The following OR6B3 variants were observed in gnomAD, a reference collection of about 807,000 sequenced individuals.
The protein encoded by OR6B3 is olfactory receptor 6B3.
For missense variants in OR6B3, 315 were observed against 427.4 expected, an observed-to-expected ratio of 0.74 and a Z score of 2.32; for synonymous variants, 148 against 187.8, an observed-to-expected ratio of 0.79 and a Z score of 1.73.
chr2:240,047,561 G>C (rs1698209926), upstream of OR6B3, among the ~76,000 whole-genome samples: 2 of 152,192 alleles, frequency 1.3e-5, no homozygotes, highest in African/African-American at 4.8e-5. Context: ...GAACACAGAT[G>C]GCAGGGAAAT....
At chr2:240,053,081 G>A in the OR6B3 span, among the ~76,000 whole-genome samples, 3 of 152,158 alleles carry the variant, frequency 2.0e-5, no homozygotes, top group Admixed American at 2.0e-4. The surrounding 1 kb of genome is among the most constrained non-coding windows in gnomAD (Gnocchi z 4.1). Flanking sequence ...GGAATTACAG[G>A]CATGAGCCAC....
At chr2:240,052,907 G>T in the OR6B3 span, among the ~76,000 whole-genome samples, 3 of 152,158 alleles carry the variant, frequency 2.0e-5, no homozygotes, top group African/African-American at 7.2e-5. This position sits in a 1 kb window ranked among gnomAD's most constrained non-coding sequence, Gnocchi z 4.5. Context: ...CGCCTGCTGG[G>T]TTCAAGCGAT....
At chr2:240,050,639 G>A (rs60873450), upstream of OR6B3, among the ~76,000 whole-genome samples, 2 of 151,156 alleles carry the variant, frequency 1.3e-5, no homozygotes, top group East Asian at 1.9e-4. Context: ...ACTTGAACCC[G>A]GGAGACGGAG....
upstream of OR6B3, among the ~76,000 whole-genome samples, chr2:240,051,073 G>A (rs986471423): frequency 1.3e-5 from 2 of 152,132 alleles, no homozygotes; most frequent in African/African-American, 4.8e-5. Context: ...TTGATCGATA[G>A]CAGCAAAAAC....
chr2:240,046,185 G>A (rs1160877738), intron 1 of OR6B3, 88 bp from the exon 3 acceptor site: 3 of 957,694 alleles, frequency 3.1e-6, no homozygotes, highest in African/African-American at 1.7e-5. Flanking sequence ...GGGAGTTTTG[G>A]TGTAAAGAGA....
At chr2:240,045,552 A>C (rs775053560) in exon 2 of OR6B3, 23 of 1,567,864 alleles carry the variant, frequency 1.5e-5, no homozygotes, top group Admixed American at 3.3e-5. Context: ...GAAGTGGTTC[A>C]AGACGTTGGA....
Position 240,045,788 on chromosome 2 carries a change from G to A in OR6B3, c.285C>T (p.Val95=), listed in dbSNP as rs370166255. The change falls in exon 2 of 2, where the codon GTC becomes GTT. Residue 95 remains valine, a synonymous_variant. Transcript: ENST00000641019. ...AGAAGTAGAGCTGCGTCATGCACCC[G>A]ACGAAAGAGATGCGTTTCTGCTGGA... The A allele has an allele frequency of 1.0e-4, 148 of 1,485,246 alleles. No homozygotes were observed. In the African/African-American group the frequency reaches 1.6e-3, roughly 16 times the overall value. 92.0% of individuals were successfully genotyped at this position (1,485,246 alleles called of 1,614,324 possible). A position where few individuals can be genotyped will look rare whatever the true frequency, so the allele number is the denominator to read the frequency against.
chr2:240,051,185 A>C (rs1337764315), upstream of OR6B3, among the ~76,000 whole-genome samples: 1 of 152,248 alleles, frequency 6.6e-6, no homozygotes, highest in Non-Finnish European at 1.5e-5. Context: ...AGTAAACTGC[A>C]GGTGGAGACC....
At chr2:240,044,859 G>T (rs1285383770), downstream of OR6B3, among the ~76,000 whole-genome samples, 1 of 152,218 alleles carries the variant, frequency 6.6e-6, no homozygotes, top group East Asian at 1.9e-4. Context: ...TCTGAAATGT[G>T]CATGGTAATT....
At chr2:240,048,642 G>A (rs1307374949), upstream of OR6B3, among the ~76,000 whole-genome samples, 1 of 152,160 alleles carries the variant, frequency 6.6e-6, no homozygotes, top group Non-Finnish European at 1.5e-5. Context: ...CAAGCCGTAG[G>A]GGAATGAGTG....
At chr2:240,045,431 G>T in exon 2 of OR6B3, 2 of 1,614,216 alleles carry the variant, frequency 1.2e-6, no homozygotes, top group Non-Finnish European at 1.7e-6. Flanking sequence ...ATGACAGCAT[G>T]GTGGCCAGGA....
the OR6B3 span, among the ~76,000 whole-genome samples, chr2:240,052,779 T>G: frequency 2.1e-3 from 323 of 152,298 alleles, 3 homozygotes; most frequent in Middle Eastern, 0.017. This position sits in a 1 kb window ranked among gnomAD's most constrained non-coding sequence, Gnocchi z 4.5. Context: ...TCAGCACTGA[T>G]TTTTAAAGAA....
At chr2:240,046,247 C>A in intron 1 of OR6B3, 150 bp from the exon 3 acceptor site, 1 of 605,550 alleles carries the variant, frequency 1.7e-6, no homozygotes, top group Non-Finnish European at 2.9e-6. Flanking sequence ...GCTCCCCACC[C>A]AGATACATGT....
upstream of OR6B3, among the ~76,000 whole-genome samples, chr2:240,051,979 C>T (rs978179650): frequency 4.6e-5 from 7 of 152,136 alleles, no homozygotes; most frequent in South Asian, 4.2e-4. Context: ...ACTACTGCTA[C>T]GTAACAATGT....
upstream of OR6B3, among the ~76,000 whole-genome samples, chr2:240,050,486 G>T (rs897829937): frequency 6.6e-6 from 1 of 152,170 alleles, no homozygotes; most frequent in East Asian, 1.9e-4. Context: ...AGGCCGAGGC[G>T]GGCAGATCAC....
chr2:240,047,892 T>C (rs1396417449), upstream of OR6B3, among the ~76,000 whole-genome samples: 1 of 151,952 alleles, frequency 6.6e-6, no homozygotes, highest in African/African-American at 2.4e-5. Context: ...AGAGGATGGA[T>C]CAGAAACGAC....
chr2:240,050,959 C>A (rs1157473866), upstream of OR6B3, among the ~76,000 whole-genome samples: 1 of 152,004 alleles, frequency 6.6e-6, no homozygotes, highest in African/African-American at 2.4e-5. Context: ...GCAATGGCAT[C>A]AAAAAATGTT....
the OR6B3 span, among the ~76,000 whole-genome samples, chr2:240,052,526 T>A: frequency 2.0e-5 from 3 of 152,312 alleles, no homozygotes; most frequent in East Asian, 3.9e-4. This position sits in a 1 kb window ranked among gnomAD's most constrained non-coding sequence, Gnocchi z 4.5. Context: ...GTGATACTAT[T>A]AGCAAGGAAA....
chr2:240,048,756 A>G (rs531083907), upstream of OR6B3, among the ~76,000 whole-genome samples: 43 of 152,246 alleles, frequency 2.8e-4, no homozygotes, highest in Admixed American at 2.0e-4. Context: ...CACCACCACA[A>G]CCACCTGCCC....
Sources: allele counts gnomAD v4.1 joint callset (sites outside exome capture counted in the v4.1 genomes callset), GRCh38; gene constraint gnomAD v4.1.1; non-coding constraint Gnocchi (gnomAD v3.1); transcripts MANE v1.5; gene names NCBI Gene and HGNC (gene_info 2026-07-23, HGNC 2026-07-21).